CSGALNACT1: variants seen among roughly 807,000 people sequenced by gnomAD.
CSGALNACT1 encodes the protein beta4GalNAcT-1.
A neutral mutation model predicts 51.0 loss-of-function variants in CSGALNACT1; 52 were observed. The observed-to-expected ratio is 1.02, with a 90% confidence interval of 0.82 to 1.29. The LOEUF is 1.29. Among genes scored for constraint, CSGALNACT1 ranks in the 50% most tolerant of loss-of-function variants. The probability of loss-of-function intolerance (pLI) is 0.00; values close to 1 mark genes in which losing one functional copy is unlikely to be tolerated. For missense variants in CSGALNACT1, 935 were observed against 679.2 expected, an observed-to-expected ratio of 1.38 and a Z score of -4.19; for synonymous variants, 341 against 254.4, an observed-to-expected ratio of 1.34 and a Z score of -3.24.
intron 5 of CSGALNACT1, among the ~76,000 whole-genome samples, chr8:19,446,451 C>T (rs1025888533): frequency 1.3e-5 from 2 of 152,108 alleles, no homozygotes; most frequent in African/African-American, 4.8e-5. Flanking sequence ...CACGAGCTCC[C>T]CATTCCCACT....
At chr8:19,702,894 A>G (rs1027489932) in intron 1 of CSGALNACT1, among the ~76,000 whole-genome samples, 8 of 151,772 alleles carry the variant, frequency 5.3e-5, no homozygotes, top group African/African-American at 9.7e-5. Context: ...CCCACCCAGT[A>G]GCCCCCACTT....
intron 5 of CSGALNACT1, among the ~76,000 whole-genome samples, chr8:19,455,370 G>T (rs1393107081): frequency 1.3e-5 from 2 of 152,202 alleles, no homozygotes; most frequent in African/African-American, 4.8e-5. Flanking sequence ...ACAGTTCACA[G>T]TCTCCAGTCT....
At chr8:19,496,349 G>A (rs183033685) in intron 4 of CSGALNACT1, among the ~76,000 whole-genome samples, 129 of 152,248 alleles carry the variant, frequency 8.5e-4, no homozygotes, top group Non-Finnish European at 1.4e-3. Context: ...GATTTGGGGT[G>A]TTACCACAAC....
intron 5 of CSGALNACT1, among the ~76,000 whole-genome samples, chr8:19,440,208 C>G (rs991260019): frequency 6.6e-6 from 1 of 152,164 alleles, no homozygotes; most frequent in Admixed American, 6.6e-5. Context: ...CCTAGCCCAC[C>G]GGGCCTAGAC....
At chr8:19,515,893 G>A (rs536733067) in intron 3 of CSGALNACT1, among the ~76,000 whole-genome samples, 44 of 152,228 alleles carry the variant, frequency 2.9e-4, no homozygotes, top group African/African-American at 9.9e-4. Flanking sequence ...ACCCCAGAAG[G>A]TGCAATGAGG....
At chr8:19,716,612 C>CCA (rs1414449293) in intron 1 of CSGALNACT1, among the ~76,000 whole-genome samples, 4 of 41,966 alleles carry the variant, frequency 9.5e-5, no homozygotes, top group Non-Finnish European at 1.3e-4. Context: ...ACCCTCTCTA[C>CCA]AAAAAAAAAA....
chr8:19,463,891 A>G (rs1032542093), intron 4 of CSGALNACT1, among the ~76,000 whole-genome samples: 21 of 152,140 alleles, frequency 1.4e-4, no homozygotes, highest in African/African-American at 4.8e-4. Context: ...CAAGACAGAG[A>G]TCTGTAATCT....
At chr8:19,474,145 A>G (rs2068844485) in intron 4 of CSGALNACT1, among the ~76,000 whole-genome samples, 1 of 152,144 alleles carries the variant, frequency 6.6e-6, no homozygotes, top group Non-Finnish European at 1.5e-5. Context: ...AGCTACGACC[A>G]ATGCCAGCTA....
intron 4 of CSGALNACT1, among the ~76,000 whole-genome samples, chr8:19,460,885 T>C (rs898667765): frequency 6.6e-6 from 1 of 152,130 alleles, no homozygotes; most frequent in Non-Finnish European, 1.5e-5. Context: ...TGTTCAAAGA[T>C]TGGATTTCTT....
intron 1 of CSGALNACT1, among the ~76,000 whole-genome samples, chr8:19,640,446 A>C (rs2056606416): frequency 6.6e-6 from 1 of 152,172 alleles, no homozygotes; most frequent in Non-Finnish European, 1.5e-5. Flanking sequence ...TGAACATCAA[A>C]CTGCTGCTAA....
At chr8:19,566,510 G>A (rs779026089) in intron 3 of CSGALNACT1, among the ~76,000 whole-genome samples, 17 of 152,128 alleles carry the variant, frequency 1.1e-4, no homozygotes, top group Non-Finnish European at 2.5e-4. Flanking sequence ...CACACTTAAT[G>A]GACTGCTTAA....
At chr8:19,740,909 T>G (rs1200801780) in intron 1 of CSGALNACT1, among the ~76,000 whole-genome samples, 1 of 152,208 alleles carries the variant, frequency 6.6e-6, no homozygotes, top group Non-Finnish European at 1.5e-5. Context: ...CCCACATATG[T>G]ATTCACAATT....
chr8:19,574,837 C>G (rs2043803852), intron 3 of CSGALNACT1, among the ~76,000 whole-genome samples: 1 of 152,124 alleles, frequency 6.6e-6, no homozygotes, highest in Admixed American at 6.5e-5. Flanking sequence ...GAGATCAAGA[C>G]CACCCTGGCC....
chr8:19,424,368 C>G (rs563893410), intron 6 of CSGALNACT1, among the ~76,000 whole-genome samples: 1 of 152,142 alleles, frequency 6.6e-6, no homozygotes, highest in East Asian at 1.9e-4. Context: ...CCTGATTCCT[C>G]AACCCAAGGC....
rs1409892916 is a variant in CSGALNACT1, at chr8:19,660,004, A to T, written c.-544+22469T>A. 3.3e-5 allele frequency among the ~76,000 whole-genome samples: 5 copies of T among 152,254 alleles called. No homozygotes were observed. The South Asian group carries it at 1.0e-3, about 31-fold the overall frequency. On this transcript the variant is annotated intron_variant, in intron 1 of 9. Transcript: ENST00000332246. ...TAGTTCATTTACTACTCTAAGAAGT[A>T]CAAGGTAGTACTATTATTGTCCCAG...
At chr8:19,578,699 C>T (rs919052365) in intron 3 of CSGALNACT1, among the ~76,000 whole-genome samples, 2 of 152,050 alleles carry the variant, frequency 1.3e-5, no homozygotes, top group African/African-American at 2.4e-5. Flanking sequence ...AGGCACTGAC[C>T]CAAGCTGTCT....
chr8:19,569,157 G>A (rs145331542), intron 3 of CSGALNACT1, among the ~76,000 whole-genome samples: 82 of 152,332 alleles, frequency 5.4e-4, no homozygotes, highest in Middle Eastern at 3.4e-3. Flanking sequence ...CCAGATGGGC[G>A]TAGTGGGAAT....
Position 19,497,175 on chromosome 8 carries a change from C to T in CSGALNACT1, c.634+8026G>A, listed in dbSNP as rs1028654626. Among the ~76,000 whole-genome samples the T allele has an allele frequency of 2.0e-5, 3 of 152,136 alleles. No homozygotes were observed. The South Asian group carries it at 6.2e-4, about 32-fold the overall frequency. On this transcript the variant is annotated intron_variant, in intron 4 of 9. Coordinates refer to ENST00000454498, the Ensembl canonical transcript of CSGALNACT1. ...TTTATCAGAAAAATCAGAGACAACC[C>T]CACTTCCCTCCTGCCCTGCACAGAC...
chr8:19,533,865 T>A (rs1170097841), intron 3 of CSGALNACT1, among the ~76,000 whole-genome samples: 1 of 152,072 alleles, frequency 6.6e-6, no homozygotes, highest in East Asian at 1.9e-4. Context: ...TTAGATTTTT[T>A]AAAAGGGTCA....
Sources: allele counts gnomAD v4.1 joint callset (sites outside exome capture counted in the v4.1 genomes callset), GRCh38; gene constraint gnomAD v4.1.1; transcripts MANE v1.5; gene names NCBI Gene and HGNC (gene_info 2026-07-23, HGNC 2026-07-21).